The following FBN1 variants were observed in gnomAD, a reference collection of about 807,000 sequenced individuals.
FBN1 encodes fibrillin 1, also known as fibrillin-1.
In FBN1, 29 loss-of-function variants were observed where a neutral mutation model predicts 365.1. The observed-to-expected ratio is 0.08, with a 90% confidence interval of 0.06 to 0.11. The LOEUF (loss-of-function observed/expected upper bound fraction) is 0.11. Among genes scored for constraint, FBN1 ranks in the 10% least tolerant of loss-of-function variants. FBN1 has a pLI of 1.00. For synonymous variants in FBN1, 1,210 were observed against 1,270.5 expected, an observed-to-expected ratio of 0.95 and a Z score of 1.01; for missense variants, 2,476 against 3,703.2, an observed-to-expected ratio of 0.67 and a Z score of 8.60.
rs1890256903 is a variant in FBN1, at chr15:48,644,586, G to A, written c.164+20C>T. 2.5e-6 allele frequency: 4 copies of A among 1,613,928 alleles called. No individual in the cohort carries two copies. Among genetic ancestry groups the A allele is most frequent in the Non-Finnish European group, 3.4e-6 (4 of 1,179,972 alleles). On this transcript the variant is annotated intron_variant, in intron 2 of 65. Transcript: ENST00000316623. ...GAAACTTGGGAGACCCACACCAAAG[G>A]AGGGAACCGGTTCCTTTACCCTTTA...
At chr15:48,485,335 C>T in intron 30 of FBN1, 39 bp downstream of exon 30, 1 of 1,614,046 alleles carries the variant, frequency 6.2e-7, no homozygotes, top group Non-Finnish European at 8.5e-7. Flanking sequence ...TACTTAGGAA[C>T]CTACTGAGAG....
chr15:48,551,914 A>G (rs1404014528), intron 6 of FBN1, among the ~76,000 whole-genome samples: 1 of 152,188 alleles, frequency 6.6e-6, no homozygotes, highest in African/African-American at 2.4e-5. Flanking sequence ...ATTGATGGAC[A>G]GTTAGGTGGA....
chr15:48,526,928 C>T (rs59343375), intron 8 of FBN1, among the ~76,000 whole-genome samples: 23,388 of 152,154 alleles, frequency 0.15, 2,619 homozygotes, highest in African/African-American at 0.32. Context: ...TTGCCTGAGT[C>T]GCAGAGAGCC....
intron 49 of FBN1, among the ~76,000 whole-genome samples, chr15:48,442,936 G>T (rs1433786284): frequency 6.6e-6 from 1 of 152,056 alleles, no homozygotes; most frequent in Admixed American, 6.5e-5. Flanking sequence ...TTATATTTGT[G>T]CAAAGGTTTC....
At chr15:48,563,201 G>A (rs1313229109) in intron 6 of FBN1, among the ~76,000 whole-genome samples, 2 of 152,142 alleles carry the variant, frequency 1.3e-5, no homozygotes, top group Admixed American at 6.5e-5. Context: ...CTGAAGATAT[G>A]GGTGAAAACA....
At chr15:48,412,432 C>A in intron 65 of FBN1, 137 bp downstream of exon 65, 1 of 915,820 alleles carries the variant, frequency 1.1e-6, no homozygotes, top group Non-Finnish European at 1.8e-6. Flanking sequence ...TAAAATACAG[C>A]CTAGAGCTCA....
chr15:48,625,536 A>C (rs1426732466), intron 2 of FBN1, among the ~76,000 whole-genome samples: 1 of 152,200 alleles, frequency 6.6e-6, no homozygotes, highest in Non-Finnish European at 1.5e-5. Flanking sequence ...TGAGACCATC[A>C]GGGCCAATAC....
chr15:48,490,035 C>G lies in FBN1; in HGVS notation c.2898G>C (p.Glu966Asp), dbSNP rs1555398829. 6.2e-7 allele frequency: 1 copy of G among 1,614,118 alleles called. No individual in the cohort carries two copies. Among genetic ancestry groups the G allele is most frequent in the Admixed American group, 1.7e-5 (1 of 60,018 alleles). ...ETCFLRYEDE[E>D]CTLPIAGRHR... is the part of the protein sequence containing the mutation. ...GGCGGCCAGCAATAGGCAGGGTGCACTCCTCGTCCTCGTACCTCAGGAAGC... is the reference window on the plus strand; with the variant it reads ...GGCGGCCAGCAATAGGCAGGGTGCAGTCCTCGTCCTCGTACCTCAGGAAGC... The change falls in exon 25 of 66, where the codon GAG becomes GAC. Residue 966 changes from glutamate to aspartate, a missense_variant. Physicochemically the swap from Glu to Asp is conservative, Grantham distance 45. This residue lies in a region of FBN1 where 1,780 missense variants were observed against 2,840.8 expected (regional missense o/e 0.63). Coordinates refer to ENST00000316623, the MANE Select transcript of FBN1 (RefSeq NM_000138.5).
At position 48,445,233 on chromosome 15, in the gene FBN1, A is replaced by C. The variant is rs931861369; in HGVS notation, c.5917+143T>G. The C allele has an allele frequency of 1.3e-5, 7 of 559,616 alleles. No individual in the cohort carries two copies. The African/African-American group carries it at 1.4e-4, about 11-fold the overall frequency. 34.7% of individuals were successfully genotyped at this position (559,616 alleles called of 1,614,324 possible). On this transcript the variant is annotated intron_variant, in intron 48 of 65. Transcript: ENST00000316623. ...GTGTATATATACTTAAATAAAAACAAGCCTTTATAGGGAGGATTAATATAA... is the reference window on the plus strand; with the variant it reads ...GTGTATATATACTTAAATAAAAACACGCCTTTATAGGGAGGATTAATATAA...
rs933429195 is a variant in FBN1 at position 48,410,649 on chromosome 15, T to C, written c.*341A>G. The C allele has an allele frequency of 8.3e-5, 22 of 264,252 alleles. No individual in the cohort carries two copies. The highest frequency in any genetic ancestry group is 1.4e-4 in the Non-Finnish European group (20 of 139,018). The allele number at this position is 264,252 out of a possible 1,614,324, so 16.4% of individuals were successfully genotyped here. On this transcript the variant is annotated 3_prime_UTR_variant, in exon 66 of 66. Transcript: ENST00000316623. ...GTTTACAAATTTGCAAAAAATAGAGTAGTCCATCAATTGAAAGCACATTCC... is the reference window on the plus strand; with the variant it reads ...GTTTACAAATTTGCAAAAAATAGAGCAGTCCATCAATTGAAAGCACATTCC...
intron 24 of FBN1, among the ~76,000 whole-genome samples, 189 bp from the exon 25 acceptor site, chr15:48,490,267 C>T: frequency 6.6e-6 from 1 of 152,178 alleles, no homozygotes. Context: ...TAAAGACTCT[C>T]TTTGTCAGCC....
chr15:48,615,345 C>A (rs1481543541), intron 2 of FBN1, among the ~76,000 whole-genome samples: 1 of 151,762 alleles, frequency 6.6e-6, no homozygotes, highest in Non-Finnish European at 1.5e-5. Flanking sequence ...TAGTGTCTGA[C>A]AAAAATATGT....
At chr15:48,641,862 G>A (rs967613398) in intron 2 of FBN1, 27 of 152,120 alleles carry the variant, frequency 1.8e-4, no homozygotes, top group Admixed American at 6.5e-4. Flanking sequence ...ATAAGCAGAG[G>A]GAATAAATTT....
rs578035602 is a variant in FBN1 at position 48,569,851 on chromosome 15, G to A, written c.538+26432C>T. Among the ~76,000 whole-genome samples the A allele has an allele frequency of 4.6e-5, 7 of 152,174 alleles. No homozygotes were observed. In the South Asian group the frequency reaches 1.5e-3, roughly 32 times the overall value. On this transcript the variant is annotated intron_variant, in intron 6 of 65. Coordinates refer to ENST00000316623, the MANE Select transcript of FBN1 (RefSeq NM_000138.5). ...AAATCTTTTGGGGGATGACCGAAATGTTCTGAAACTAGATTGTGGTAATGG... is the reference window on the plus strand; with the variant it reads ...AAATCTTTTGGGGGATGACCGAAATATTCTGAAACTAGATTGTGGTAATGG...
intron 10 of FBN1, 63 bp downstream of exon 10, chr15:48,520,596 A>G: frequency 6.3e-7 from 1 of 1,594,658 alleles, no homozygotes; most frequent in Non-Finnish European, 8.6e-7. Context: ...CATCATGCAC[A>G]TTGCCACTGG....
rs1597652302 is a variant in FBN1, at chr15:48,644,620, G to A, written c.150C>T (p.His50=). 1.9e-6 allele frequency: 3 copies of A among 1,614,094 alleles called. No individual in the cohort carries two copies. Among genetic ancestry groups the A allele is most frequent in the Non-Finnish European group, 2.5e-6 (3 of 1,180,014 alleles). The part of the protein sequence containing the change: ...SRAKRRGGGG[H]DALKGPNVCG... ...GGTTCCTTTACCCTTTAAGCGCGTC[G>A]TGTCCTCCACCGCCTCTTCTCTTGG... is the stretch of plus-strand genomic sequence containing the variant. The change falls in exon 2 of 66, where the codon CAC becomes CAT. Residue 50 remains histidine (H), a synonymous_variant. Transcript: ENST00000316623.
At chr15:48,440,541 T>G (rs1253785582) in intron 50 of FBN1, among the ~76,000 whole-genome samples, 2 of 152,012 alleles carry the variant, frequency 1.3e-5, no homozygotes, top group African/African-American at 4.8e-5. Context: ...AGCACCACCC[T>G]GAAATCCACA....
chr15:48,442,735 T>A (rs1366508017), intron 49 of FBN1, among the ~76,000 whole-genome samples: 32 of 152,208 alleles, frequency 2.1e-4, no homozygotes, highest in Non-Finnish European at 4.4e-5. Context: ...CAATAAAACA[T>A]ACGATTACCT....
intron 60 of FBN1, among the ~76,000 whole-genome samples, chr15:48,424,770 G>A (rs2042965962): frequency 1.3e-5 from 2 of 152,274 alleles, no homozygotes; most frequent in South Asian, 4.1e-4. Context: ...GTTTACAGGA[G>A]TAAAATTAAA....
Sources: gnomAD v4.1 joint callset for allele counts (sites outside exome capture counted in the v4.1 genomes callset) on GRCh38, gnomAD v4.1.1 for gene constraint, gnomAD v4.1.1 regional missense constraint, MANE v1.5 for transcripts, NCBI Gene and HGNC (gene_info 2026-07-23, HGNC 2026-07-21) for gene names.